BTRC: variants seen among roughly 807,000 people sequenced by gnomAD.
BTRC encodes F-box/WD repeat-containing protein 1A.
Under a neutral mutation model 85.5 loss-of-function variants are expected in BTRC, and 42 were observed. The observed-to-expected ratio is 0.49, with a 90% confidence interval of 0.38 to 0.64. BTRC has a LOEUF of 0.64. BTRC is among the 30% of genes least tolerant of loss of function. BTRC has a pLI of 0.00. For synonymous variants in BTRC, 255 were observed against 263.3 expected (o/e 0.97, Z 0.30); for missense variants, 594 against 743.5 (o/e 0.80, Z 2.34).
chr10:101,375,384 A>G (rs1309850680), intron 1 of BTRC, among the ~76,000 whole-genome samples: 1 of 152,176 alleles, frequency 6.6e-6, no homozygotes, highest in African/African-American at 2.4e-5. Context: ...AGCAGAAACC[A>G]TCAGAAGCAG....
intron 3 of BTRC, among the ~76,000 whole-genome samples, chr10:101,463,055 T>TG (rs568062640): frequency 6.6e-6 from 1 of 150,558 alleles, no homozygotes; most frequent in Non-Finnish European, 1.5e-5. Flanking sequence ...TTGGGGTTTT[T>TG]TTTTTTTTGA....
chr10:101,414,553 T>C (rs1943873647), intron 1 of BTRC: 2 of 459,668 alleles, frequency 4.4e-6, no homozygotes, highest in South Asian at 3.3e-5. Flanking sequence ...TAAAAAAAAT[T>C]AACTGTAAAA....
intron 2 of BTRC, among the ~76,000 whole-genome samples, chr10:101,460,954 G>A (rs1275353717): frequency 6.6e-6 from 1 of 152,194 alleles, no homozygotes; most frequent in African/African-American, 2.4e-5. Context: ...TCAGGCTGGA[G>A]TGCAGTGGTG....
intron 3 of BTRC, among the ~76,000 whole-genome samples, chr10:101,475,937 A>ATATATATATATATG (rs1945670663): frequency 8.4e-6 from 1 of 118,562 alleles, no homozygotes; most frequent in African/African-American, 3.1e-5. Context: ...ATATATATAT[A>ATATATATATATATG]TATATATATA....
intron 5 of BTRC, among the ~76,000 whole-genome samples, chr10:101,522,666 C>G (rs563942290): frequency 1.1e-4 from 17 of 151,678 alleles, no homozygotes; most frequent in African/African-American, 4.1e-4. Context: ...AATGATTCAC[C>G]CGCCTTGGCC....
intron 3 of BTRC, among the ~76,000 whole-genome samples, chr10:101,477,139 G>C (rs920407938): frequency 6.6e-5 from 10 of 152,040 alleles, no homozygotes; most frequent in African/African-American, 2.4e-4. Flanking sequence ...ACCACGCCTG[G>C]CTAAATTTTT....
Position 101,526,206 on chromosome 10 carries a change from C to T in BTRC, c.743+7C>T. The T allele has an allele frequency of 1.2e-6, 2 of 1,612,568 alleles. No homozygotes were observed. The highest frequency in any genetic ancestry group is 2.2e-5 in the East Asian group (1 of 44,836). ...TGGCAGAACGAAGAGGATGGTGAGC[C>T]TTTAACTTTTCTTACTCTTATACGG... On this transcript the variant is annotated splice_region_variant and intron_variant, in intron 6 of 14. Transcript: ENST00000370187.
At chr10:101,488,501 C>A (rs968638318) in intron 4 of BTRC, among the ~76,000 whole-genome samples, 2 of 152,064 alleles carry the variant, frequency 1.3e-5, no homozygotes, top group East Asian at 3.9e-4. Context: ...AAATTGTAAC[C>A]TTGTTAATCA....
chr10:101,536,276 T>A (rs1039329927), intron 11 of BTRC, among the ~76,000 whole-genome samples: 3 of 152,246 alleles, frequency 2.0e-5, no homozygotes, highest in Admixed American at 1.3e-4. Flanking sequence ...TGAATTCGTT[T>A]TTATGCCTGG....
chr10:101,551,853 T>G (rs915235896), intron 14 of BTRC, among the ~76,000 whole-genome samples: 3 of 152,120 alleles, frequency 2.0e-5, no homozygotes, highest in Non-Finnish European at 4.4e-5. Flanking sequence ...CTGAATCTCT[T>G]GATGAGTAAC....
chr10:101,361,112 ATT>A (rs201606101), intron 1 of BTRC, among the ~76,000 whole-genome samples: 1 of 147,534 alleles, frequency 6.8e-6, no homozygotes. Flanking sequence ...AGCTTTAGCA[ATT>A]TTTTTTTTTT....
At chr10:101,490,266 T>C (rs1946096166) in intron 4 of BTRC, among the ~76,000 whole-genome samples, 1 of 150,094 alleles carries the variant, frequency 6.7e-6, no homozygotes, top group African/African-American at 2.4e-5. Context: ...CCTTCCTTCC[T>C]TTCTTCTTCC....
intron 1 of BTRC, among the ~76,000 whole-genome samples, chr10:101,423,078 T>C (rs1431093276): frequency 6.6e-6 from 1 of 152,172 alleles, no homozygotes; most frequent in Non-Finnish European, 1.5e-5. Flanking sequence ...TTTTTTATTT[T>C]CCAGTTTTTC....
At chr10:101,425,464 T>C (rs552894434) in intron 1 of BTRC, among the ~76,000 whole-genome samples, 1 of 152,306 alleles carries the variant, frequency 6.6e-6, no homozygotes, top group East Asian at 1.9e-4. Context: ...ATATGTGCTG[T>C]GCAGGGCTGG....
intron 1 of BTRC, chr10:101,364,859 TC>T (rs1197833302): frequency 1.3e-5 from 2 of 150,662 alleles, no homozygotes; most frequent in African/African-American, 2.4e-5. Context: ...AGTGCACCGT[TC>T]CTGGAGGTAC....
chr10:101,398,465 GATA>G (rs1943418862), intron 1 of BTRC, among the ~76,000 whole-genome samples: 1 of 152,030 alleles, frequency 6.6e-6, no homozygotes, highest in Non-Finnish European at 1.5e-5. Context: ...ACTGTGCCCA[GATA>G]ATGTTTTGTA....
At chr10:101,518,657 A>G (rs1320352218) in intron 4 of BTRC, among the ~76,000 whole-genome samples, 5 of 152,106 alleles carry the variant, frequency 3.3e-5, no homozygotes, top group African/African-American at 4.8e-5. Context: ...TCCAGCCTTA[A>G]CTTTTCCTTG....
chr10:101,432,180 T>C (rs1589459381), intron 2 of BTRC, among the ~76,000 whole-genome samples: 1 of 151,338 alleles, frequency 6.6e-6, no homozygotes, highest in Admixed American at 6.6e-5. Context: ...CAGGCTAGAG[T>C]GCAGTGGCAC....
intron 5 of BTRC, among the ~76,000 whole-genome samples, chr10:101,523,806 T>G (rs965242967): frequency 2.0e-5 from 3 of 152,214 alleles, no homozygotes; most frequent in African/African-American, 7.2e-5. Context: ...TTGCATAATA[T>G]TCTTCACAAT....
Sources: gnomAD v4.1 joint callset for allele counts (sites outside exome capture counted in the v4.1 genomes callset) on GRCh38, gnomAD v4.1.1 for gene constraint, MANE v1.5 for transcripts, NCBI Gene and HGNC (gene_info 2026-07-23, HGNC 2026-07-21) for gene names.